The following URGCP variants were observed in gnomAD, a reference collection of about 807,000 sequenced individuals.
URGCP encodes the protein upregulator of cell proliferation.
URGCP carries 13 observed loss-of-function variants against 24.6 expected under a neutral mutation model. That is an observed-to-expected ratio of 0.53 (90% CI 0.34 to 0.84). The LOEUF (loss-of-function observed/expected upper bound fraction) is 0.84, where lower values mean the gene tolerates loss of function less well. Among genes scored for constraint, URGCP ranks in the 40% least tolerant of loss-of-function variants. The probability of loss-of-function intolerance (pLI) is 0.01; values close to 1 mark genes in which losing one functional copy is unlikely to be tolerated. For synonymous variants in URGCP, 444 were observed against 487.2 expected (o/e 0.91, Z 1.17); for missense variants, 899 against 1,194.3 (o/e 0.75, Z 3.64).
chr7:43,881,588 T>G, intron 5 of URGCP, 71 bp downstream of exon 5: 1 of 1,606,766 alleles, frequency 6.2e-7, no homozygotes, highest in Admixed American at 1.7e-5. Context: ...TACAGTCAGG[T>G]GTGGGAACTG....
chr7:43,905,331 G>A (rs149530368), intron 1 of URGCP, among the ~76,000 whole-genome samples: 255 of 152,104 alleles, frequency 1.7e-3, no homozygotes, highest in African/African-American at 5.9e-3. Context: ...GAACCCCTAG[G>A]TCAATCAGCC....
exon 1 of URGCP, chr7:43,926,329 TG>T: frequency 4.1e-6 from 1 of 241,566 alleles, no homozygotes; most frequent in South Asian, 1.7e-4. Context: ...CAGGTGCGGG[TG>T]GCCAGCGTAA....
intron 5 of URGCP, among the ~76,000 whole-genome samples, chr7:43,880,553 T>C (rs1457038039): frequency 6.6e-6 from 1 of 152,156 alleles, no homozygotes; most frequent in Non-Finnish European, 1.5e-5. Context: ...AGAGATCCAC[T>C]CATCTCAGCT....
chr7:43,922,128 G>A (rs765702325), intron 1 of URGCP, among the ~76,000 whole-genome samples: 1 of 152,094 alleles, frequency 6.6e-6, no homozygotes, highest in African/African-American at 2.4e-5. Flanking sequence ...GCAGTGGCGC[G>A]ATCTTGGCTC....
chr7:43,889,283 G>A (rs2095866756), intron 1 of URGCP: 1 of 152,248 alleles, frequency 6.6e-6, no homozygotes, highest in Admixed American at 6.5e-5. Context: ...AGGAGTTCAA[G>A]ACTAGCCTGG....
In URGCP at chr7:43,876,284, CCT is replaced by C. The variant is rs1244424210; in HGVS notation, c.*381_*382del. On this transcript the variant is annotated 3_prime_UTR_variant, in exon 6 of 6. Coordinates refer to ENST00000453200, the MANE Select transcript of URGCP (RefSeq NM_001077663.3). Reference sequence around the variant, plus strand: ...CTGCTTCCTCAGGACAACTTCCCCACCTCTGTCCTGGGACCACCTGCCCGCCT... The same window carrying C: ...CTGCTTCCTCAGGACAACTTCCCCACCTGTCCTGGGACCACCTGCCCGCCT... The C allele has an allele frequency of 9.9e-6, 2 of 202,394 alleles. No homozygotes were observed. The highest frequency in any genetic ancestry group is 4.7e-5 in the African/African-American group (2 of 42,780). 12.5% of individuals were successfully genotyped at this position (202,394 alleles called of 1,614,324 possible).
chr7:43,876,531 T>C lies in URGCP; in HGVS notation c.*136A>G. 1 of 970,332 alleles carries C rather than the reference T, an allele frequency of 1.0e-6. No homozygotes were observed. Among genetic ancestry groups the C allele is most frequent in the Non-Finnish European group, 1.5e-6 (1 of 647,296 alleles). The allele number at this position is 970,332 out of a possible 1,614,324, so 60.1% of individuals were successfully genotyped here. A position where few individuals can be genotyped will look rare whatever the true frequency, so the allele number is the denominator to read the frequency against. ...ACACTGTTGAGGAGACTCCAAACCC[T>C]GTCTTTTCCTCGTCTTCTCATGTCG... is the stretch of plus-strand genomic sequence containing the variant. On this transcript the variant is annotated 3_prime_UTR_variant, in exon 6 of 6. Transcript: ENST00000453200.
rs182068804 is a variant in URGCP at position 43,891,476 on chromosome 7, T to C, written c.15-3660A>G. On this transcript the variant is annotated intron_variant, in intron 1 of 5. Coordinates refer to ENST00000453200, the MANE Select transcript of URGCP (RefSeq NM_001077663.3). ...GCCTTTCTTCATGGTCCAGGACACA[T>C]AATCCTCCTGCGTAAATAAGTCACA... Among the ~76,000 whole-genome samples the C allele has an allele frequency of 1.1e-4, 17 of 152,286 alleles. No homozygotes were observed. The East Asian group carries it at 2.9e-3, about 26-fold the overall frequency.
At chr7:43,883,360 A>ATTTT (rs1379068898) in intron 3 of URGCP, among the ~76,000 whole-genome samples, 79 of 98,200 alleles carry the variant, frequency 8.0e-4, no homozygotes, top group African/African-American at 1.2e-3. Flanking sequence ...ATATATATAT[A>ATTTT]TATTTTTTTT....
At chr7:43,913,645 C>T (rs1258078899) in intron 1 of URGCP, among the ~76,000 whole-genome samples, 1 of 152,132 alleles carries the variant, frequency 6.6e-6, no homozygotes, top group Non-Finnish European at 1.5e-5. Context: ...TCACTTCTCT[C>T]TTCACACTTT....
chr7:43,907,943 C>T (rs1391710049), upstream of URGCP, among the ~76,000 whole-genome samples: 2 of 152,074 alleles, frequency 1.3e-5, no homozygotes, highest in African/African-American at 2.4e-5. Context: ...ATAGGTAAAG[C>T]CACGCGAACT....
chr7:43,907,001 C>CT (rs1159395088), upstream of URGCP: 1 of 153,190 alleles, frequency 6.5e-6, no homozygotes, highest in African/African-American at 2.4e-5. Flanking sequence ...AATAACTTTC[C>CT]TACTTCTTAC....
chr7:43,917,850 G>C (rs2095917058), intron 1 of URGCP, among the ~76,000 whole-genome samples: 1 of 152,076 alleles, frequency 6.6e-6, no homozygotes, highest in Admixed American at 6.6e-5. Context: ...TGTAGTCCCA[G>C]CTACCCAGGA....
intron 2 of URGCP, 138 bp downstream of exon 2, chr7:43,887,652 A>G: frequency 6.7e-7 from 1 of 1,481,588 alleles, no homozygotes; most frequent in Non-Finnish European, 9.0e-7. Context: ...CCTGGGTATC[A>G]CTGCTTTTAA....
chr7:43,897,487 G>A (rs994311146), intron 1 of URGCP, among the ~76,000 whole-genome samples: 4 of 152,160 alleles, frequency 2.6e-5, no homozygotes, highest in Non-Finnish European at 5.9e-5. Flanking sequence ...TTGAGCAAGA[G>A]AGTGATCAGT....
Position 43,879,202 on chromosome 7 carries a change from GA to G in URGCP, c.260del (p.Val87AlafsTer17). 1 of 1,613,684 alleles carries G rather than the reference GA, an allele frequency of 6.2e-7. No individual in the cohort carries two copies. Among genetic ancestry groups the G allele is most frequent in the South Asian group, 1.1e-5 (1 of 91,066 alleles). On this transcript the variant is annotated frameshift_variant, in exon 6 of 6. Coordinates refer to ENST00000453200, the MANE Select transcript of URGCP (RefSeq NM_001077663.3). LOFTEE classifies it low-confidence loss of function (END_TRUNC). The part of the protein sequence containing the change: ...LSLLGLETYQ[V>X]QKLSLQDSLQ... ...GAGAGTCCTGGAGGCTGAGTTTCTG[GA>G]CCTGGTACGTCTCTAGGCCCAAAAG...
chr7:43,887,914 G>A (rs117501403), intron 1 of URGCP, 98 bp from the exon 2 acceptor site: 246 of 754,868 alleles, frequency 3.3e-4, no homozygotes, highest in Admixed American at 5.1e-4. Flanking sequence ...GTGCAATAAC[G>A]GAATTATGGT....
chr7:43,922,473 T>C (rs1348972414), intron 1 of URGCP, among the ~76,000 whole-genome samples: 3 of 152,236 alleles, frequency 2.0e-5, no homozygotes, highest in African/African-American at 7.2e-5. Context: ...TTGTCAACAC[T>C]TGTTGTCTGT....
intron 5 of URGCP, among the ~76,000 whole-genome samples, chr7:43,880,310 T>TCAC (rs2095851923): frequency 6.6e-6 from 1 of 152,232 alleles, no homozygotes; most frequent in Non-Finnish European, 1.5e-5. Context: ...TACTCAAATA[T>TCAC]CACCCTATAC....
Sources: allele counts gnomAD v4.1 joint callset (sites outside exome capture counted in the v4.1 genomes callset), GRCh38; gene constraint gnomAD v4.1.1; transcripts MANE v1.5; gene names NCBI Gene and HGNC (gene_info 2026-07-23, HGNC 2026-07-21).